Variants in FSHR observed in about 807,000 individuals in gnomAD.
The protein encoded by FSHR is follicle stimulating hormone receptor, also known as follicle-stimulating hormone receptor.
FSHR carries 46 observed loss-of-function variants against 52.1 expected under a neutral mutation model. The ratio of observed to expected loss-of-function variants is 0.88; its 90% confidence interval spans 0.70 to 1.13. The LOEUF (loss-of-function observed/expected upper bound fraction) is 1.13, where lower values mean the gene tolerates loss of function less well. FSHR is among the 50% of genes most tolerant of loss of function. The probability of loss-of-function intolerance (pLI) is 0.00; values close to 1 mark genes in which losing one functional copy is unlikely to be tolerated. For synonymous variants in FSHR, 399 were observed against 309.6 expected, an observed-to-expected ratio of 1.29 and a Z score of -3.03; for missense variants, 964 against 834.6, an observed-to-expected ratio of 1.16 and a Z score of -1.91.
intron 4 of FSHR, among the ~76,000 whole-genome samples, chr2:48,999,819 G>T (rs2104139901): frequency 6.6e-6 from 1 of 152,178 alleles, no homozygotes; most frequent in Admixed American, 6.5e-5. Context: ...TAGTCGGCTG[G>T]CTTTCCCAAA....
At chr2:49,140,341 T>C (rs1672636657) in intron 1 of FSHR, among the ~76,000 whole-genome samples, 2 of 151,994 alleles carry the variant, frequency 1.3e-5, no homozygotes, top group East Asian at 1.9e-4. Flanking sequence ...CTCTTGCTCC[T>C]GCTTTTGCCA....
intron 1 of FSHR, among the ~76,000 whole-genome samples, chr2:49,087,891 A>G (rs1167900976): frequency 6.6e-6 from 1 of 152,206 alleles, no homozygotes; most frequent in African/African-American, 2.4e-5. Flanking sequence ...ATATTGAGAG[A>G]GAGATATGTG....
intron 4 of FSHR, among the ~76,000 whole-genome samples, chr2:48,991,726 G>T (rs374970046): frequency 6.6e-6 from 1 of 152,168 alleles, no homozygotes; most frequent in Non-Finnish European, 1.5e-5. Context: ...AGGCACATAC[G>T]AATTATTGGA....
At chr2:49,095,426 CAG>C (rs1186593485) in intron 1 of FSHR, among the ~76,000 whole-genome samples, 1 of 152,072 alleles carries the variant, frequency 6.6e-6, no homozygotes, top group Non-Finnish European at 1.5e-5. Context: ...TAGGCACATT[CAG>C]AAGAAGGAAA....
chr2:49,076,426 C>T (rs1197106932), intron 1 of FSHR, among the ~76,000 whole-genome samples: 1 of 152,014 alleles, frequency 6.6e-6, no homozygotes, highest in Non-Finnish European at 1.5e-5. Flanking sequence ...GTGAAAACAG[C>T]ACGGGAAAAA....
At chr2:49,129,101 A>C (rs1268780417) in intron 1 of FSHR, among the ~76,000 whole-genome samples, 2 of 151,358 alleles carry the variant, frequency 1.3e-5, no homozygotes, top group Admixed American at 1.3e-4. Flanking sequence ...TATGTCCCAA[A>C]TGGTACTTTT....
Position 49,127,882 on chromosome 2 carries a change from TCTTCTTCTTCTTCTTC to T in FSHR, c.152+26368_152+26383del, listed in dbSNP as rs1558457022. Among the ~76,000 whole-genome samples the T allele has an allele frequency of 5.7e-3, 264 of 46,476 alleles. 27 individuals are homozygous for T. Among genetic ancestry groups the T allele is most frequent in the East Asian group, 0.018 (23 of 1,284 alleles). The allele number at this position is 46,476 out of a possible 152,430, so 30.5% of individuals were successfully genotyped here. A position where few individuals can be genotyped will look rare whatever the true frequency, so the allele number is the denominator to read the frequency against. On this transcript the variant is annotated intron_variant, in intron 1 of 9. Transcript: ENST00000406846. ...TTCTTCTTCTTCTTCTTCTTCTTCT[TCTTCTTCTTCTTCTTC>T]TTTTTTTTTTTTGAGACGGAGTCTT...
At chr2:49,125,106 T>G (rs190100504) in intron 1 of FSHR, among the ~76,000 whole-genome samples, 2 of 152,336 alleles carry the variant, frequency 1.3e-5, no homozygotes, top group Admixed American at 1.3e-4. Context: ...TTTACTCAAT[T>G]GGTTCTTTTT....
chr2:49,050,709 C>T (rs947484443), intron 2 of FSHR, among the ~76,000 whole-genome samples: 1 of 152,188 alleles, frequency 6.6e-6, no homozygotes, highest in African/African-American at 2.4e-5. Context: ...GTATTTAAAA[C>T]ACCTGTCCCA....
chr2:49,125,992 G>A (rs957301811), intron 1 of FSHR, among the ~76,000 whole-genome samples: 8 of 152,100 alleles, frequency 5.3e-5, no homozygotes, highest in Admixed American at 3.9e-4. Flanking sequence ...TCCTGCTGCC[G>A]CTTAATCATA....
chr2:49,027,995 G>A (rs898414797), intron 2 of FSHR, among the ~76,000 whole-genome samples: 3 of 152,142 alleles, frequency 2.0e-5, no homozygotes, highest in Non-Finnish European at 4.4e-5. Flanking sequence ...AAGACAAGGA[G>A]TTTGGTAGGT....
rs1674325009 is a variant in FSHR at position 48,963,471 on chromosome 2, G to C, written c.1350C>G (p.Val450=). The part of the protein sequence containing the change: ...AGCDAAGFFT[V]FASELSVYTL... ...TGTAGACTGACAGCTCACTGGCAAA[G>C]ACAGTGAAAAAGCCAGCAGCATCAC... Residue 450 remains valine (V), a synonymous_variant, in exon 10 of 10, where the codon GTC becomes GTG. Transcript: ENST00000406846. 2 of 1,614,152 alleles carry C rather than the reference G, an allele frequency of 1.2e-6. No individual in the cohort carries two copies. The highest frequency in any genetic ancestry group is 4.5e-5 in the East Asian group (2 of 44,870).
At chr2:49,078,157 T>C (rs1670023297) in intron 1 of FSHR, among the ~76,000 whole-genome samples, 1 of 152,206 alleles carries the variant, frequency 6.6e-6, no homozygotes, top group Non-Finnish European at 1.5e-5. Context: ...AGAGATTTAA[T>C]GGACTTACAG....
intron 2 of FSHR, among the ~76,000 whole-genome samples, chr2:49,055,315 C>G (rs1326971225): frequency 3.3e-5 from 5 of 151,162 alleles, no homozygotes; most frequent in African/African-American, 1.2e-4. Flanking sequence ...GAAGACAGGT[C>G]TTTTGAAAGA....
chr2:49,154,414 C>A lies in FSHR; in HGVS notation c.4G>T (p.Ala2Ser). 6.2e-7 allele frequency: 1 copy of A among 1,612,324 alleles called. No individual in the cohort carries two copies. Among genetic ancestry groups the A allele is most frequent in the Non-Finnish European group, 8.5e-7 (1 of 1,179,860 alleles). M[A>S]LLLVSLLAFL... The stretch of plus-strand genomic sequence containing the variant: ...GCCAGCAAAGAGACCAGGAGCAGGG[C>A]CATAATTATGCATCCATCCACCTGA... The change falls in exon 1 of 10, where the codon GCC becomes TCC. Residue 2 changes from alanine (A) to serine (S), a missense_variant. Physicochemically the swap from Ala to Ser is moderately conservative, Grantham distance 99. Transcript: ENST00000406846.
intron 1 of FSHR, among the ~76,000 whole-genome samples, chr2:49,076,148 T>A (rs1669941978): frequency 6.6e-6 from 1 of 152,134 alleles, no homozygotes. Context: ...GAACAAAAAA[T>A]CCCAATCTTA....
chr2:49,017,348 A>G, intron 4 of FSHR, 141 bp downstream of exon 4: 1 of 637,060 alleles, frequency 1.6e-6, no homozygotes, highest in East Asian at 2.8e-5. Flanking sequence ...ATCACCAAGT[A>G]TCTCTCCACC....
intron 4 of FSHR, among the ~76,000 whole-genome samples, chr2:49,011,792 C>A (rs748678718): frequency 1.3e-5 from 2 of 152,086 alleles, no homozygotes; most frequent in Admixed American, 6.6e-5. Context: ...CTACTCTGAG[C>A]TGCCTCTTGA....
At chr2:49,057,345 G>A (rs1197765791) in intron 2 of FSHR, among the ~76,000 whole-genome samples, 6 of 151,950 alleles carry the variant, frequency 3.9e-5, no homozygotes, top group Admixed American at 3.9e-4. Context: ...GACAGTAGCA[G>A]TAGTAGTAAC....
Sources: allele counts gnomAD v4.1 joint callset (sites outside exome capture counted in the v4.1 genomes callset), GRCh38; gene constraint gnomAD v4.1.1; transcripts MANE v1.5; gene names NCBI Gene and HGNC (gene_info 2026-07-23, HGNC 2026-07-21).